DTNBP1: variants seen among roughly 807,000 people sequenced by gnomAD.
DTNBP1 encodes dysbindin.
DTNBP1 carries 35 observed loss-of-function variants against 42.8 expected under a neutral mutation model. The observed-to-expected ratio is 0.82, with a 90% CI of 0.63 to 1.09. The LOEUF (loss-of-function observed/expected upper bound fraction) is 1.09, where lower values mean the gene tolerates loss of function less well. Among genes scored for constraint, DTNBP1 ranks in the 50% least tolerant of loss-of-function variants. DTNBP1 has a pLI of 0.00. For synonymous variants in DTNBP1, 171 were observed against 162.2 expected, an observed-to-expected ratio of 1.05 and a Z score of -0.41; for missense variants, 457 against 424.2, an observed-to-expected ratio of 1.08 and a Z score of -0.68.
intron 7 of DTNBP1, among the ~76,000 whole-genome samples, chr6:15,557,506 TAAAA>T (rs1774598334): frequency 6.6e-6 from 1 of 152,190 alleles, no homozygotes; most frequent in South Asian, 2.1e-4. Flanking sequence ...TAACAGTTTA[TAAAA>T]GGTTTACAGG....
intron 5 of DTNBP1, among the ~76,000 whole-genome samples, chr6:15,618,601 A>T (rs979862769): frequency 1.3e-5 from 2 of 152,172 alleles, no homozygotes; most frequent in East Asian, 3.8e-4. Flanking sequence ...ACGCGGAGAA[A>T]CGAGTTCTCA....
chr6:15,609,521 A>G (rs1758276293), intron 6 of DTNBP1, among the ~76,000 whole-genome samples: 1 of 151,972 alleles, frequency 6.6e-6, no homozygotes, highest in Non-Finnish European at 1.5e-5. Flanking sequence ...GGTTTTCACC[A>G]TGTTAGCCAG....
chr6:15,614,748 A>T (rs1758619786), intron 6 of DTNBP1, among the ~76,000 whole-genome samples: 1 of 152,230 alleles, frequency 6.6e-6, no homozygotes, highest in African/African-American at 2.4e-5. Flanking sequence ...AATCCTTATA[A>T]CAACTCTATG....
chr6:15,578,320 C>T (rs922986035), intron 7 of DTNBP1, among the ~76,000 whole-genome samples: 3 of 152,236 alleles, frequency 2.0e-5, no homozygotes, highest in Admixed American at 2.0e-4. Flanking sequence ...GGGGATGTCC[C>T]AGTTTGAGAA....
At chr6:15,637,863 C>T (rs1259229595) in intron 3 of DTNBP1, 59 bp from the exon 4 acceptor site, 7 of 1,516,964 alleles carry the variant, frequency 4.6e-6, no homozygotes, top group Non-Finnish European at 6.4e-6. Context: ...GAAATACTAT[C>T]TAAAGATGAA....
chr6:15,563,704 ACT>A (rs1430858720), intron 7 of DTNBP1, among the ~76,000 whole-genome samples: 1 of 152,008 alleles, frequency 6.6e-6, no homozygotes, highest in Non-Finnish European at 1.5e-5. Context: ...CCATGACTTC[ACT>A]CTGCACTCTT....
intron 6 of DTNBP1, among the ~76,000 whole-genome samples, chr6:15,611,325 C>T (rs1758383840): frequency 6.6e-6 from 1 of 151,912 alleles, no homozygotes; most frequent in South Asian, 2.1e-4. Context: ...AGACCTACTG[C>T]TCAGAAAAAA....
intron 7 of DTNBP1, among the ~76,000 whole-genome samples, chr6:15,568,751 C>G (rs1775208523): frequency 6.6e-6 from 1 of 152,220 alleles, no homozygotes; most frequent in South Asian, 2.1e-4. Flanking sequence ...TTATAATTTT[C>G]TTAGTTACAT....
chr6:15,654,889 A>C (rs1390334580), intron 1 of DTNBP1, among the ~76,000 whole-genome samples: 1 of 152,232 alleles, frequency 6.6e-6, no homozygotes. Context: ...ATATCAAAGA[A>C]TTAGTGTTAA....
At chr6:15,658,234 T>C (rs1562018767) in intron 1 of DTNBP1, among the ~76,000 whole-genome samples, 1 of 152,238 alleles carries the variant, frequency 6.6e-6, no homozygotes, top group Admixed American at 6.5e-5. Context: ...TGTCTGGCAC[T>C]GGCACTTAAT....
intron 7 of DTNBP1, among the ~76,000 whole-genome samples, chr6:15,537,011 A>G (rs1773269757): frequency 6.6e-6 from 1 of 152,264 alleles, no homozygotes; most frequent in South Asian, 2.1e-4. Context: ...TGGAATGGGA[A>G]CATTGATCCA....
chr6:15,560,872 C>T (rs545339653), intron 7 of DTNBP1, among the ~76,000 whole-genome samples: 3 of 152,294 alleles, frequency 2.0e-5, no homozygotes, highest in African/African-American at 2.4e-5. Context: ...AGATTCCTTA[C>T]GGAAGAAAGT....
intron 7 of DTNBP1, chr6:15,585,879 G>A: frequency 2.8e-6 from 4 of 1,417,322 alleles, no homozygotes; most frequent in South Asian, 3.2e-5. Context: ...AAGTGAGGCT[G>A]AAGCCAGAAG....
chr6:15,559,356 T>G (rs1024350661), intron 7 of DTNBP1, among the ~76,000 whole-genome samples: 10 of 152,222 alleles, frequency 6.6e-5, no homozygotes, highest in African/African-American at 2.2e-4. Flanking sequence ...CCTTATGAGC[T>G]GAGTGAAAAT....
intron 7 of DTNBP1, among the ~76,000 whole-genome samples, chr6:15,586,694 C>T (rs1252482308): frequency 6.6e-6 from 1 of 152,130 alleles, no homozygotes; most frequent in Non-Finnish European, 1.5e-5. Flanking sequence ...GTGAACAAGG[C>T]AGAACAGTCC....
At chr6:15,555,588 C>A (rs752528077) in intron 7 of DTNBP1, among the ~76,000 whole-genome samples, 1 of 152,162 alleles carries the variant, frequency 6.6e-6, no homozygotes, top group Non-Finnish European at 1.5e-5. Flanking sequence ...CATTAGCATG[C>A]TAAAAGATAC....
chr6:15,583,589 T>C (rs1382238111), intron 7 of DTNBP1, among the ~76,000 whole-genome samples: 1 of 152,230 alleles, frequency 6.6e-6, no homozygotes, highest in Non-Finnish European at 1.5e-5. Flanking sequence ...TTGTTAAGGC[T>C]GACAGCTAAA....
intron 7 of DTNBP1, among the ~76,000 whole-genome samples, chr6:15,558,273 C>CTT (rs58029295): frequency 1.5e-5 from 2 of 136,522 alleles, no homozygotes; most frequent in African/African-American, 5.4e-5. Context: ...GATGAGTACT[C>CTT]TTTTTTTTTT....
chr6:15,583,990 C>G (rs1228838237), intron 7 of DTNBP1, among the ~76,000 whole-genome samples: 1 of 152,076 alleles, frequency 6.6e-6, no homozygotes, highest in Non-Finnish European at 1.5e-5. Context: ...CAACTTAAGA[C>G]ATGGTATTAG....
Sources: gnomAD v4.1 joint callset for allele counts (sites outside exome capture counted in the v4.1 genomes callset) on GRCh38, gnomAD v4.1.1 for gene constraint, MANE v1.5 for transcripts, NCBI Gene and HGNC (gene_info 2026-07-23, HGNC 2026-07-21) for gene names.